CCDC93: variants seen among roughly 807,000 people sequenced by gnomAD.
CCDC93 encodes the protein coiled-coil domain-containing protein 93.
CCDC93 carries 61 observed loss-of-function variants against 108.2 expected under a neutral mutation model. The ratio of observed to expected loss-of-function variants is 0.56; its 90% CI spans 0.46 to 0.70. The LOEUF is 0.70. Ranked by LOEUF, CCDC93 falls within the 30% of genes least tolerant of loss-of-function variation. The pLI, the probability that CCDC93 is intolerant of heterozygous loss-of-function variation, is 0.00. For synonymous variants in CCDC93, 276 were observed against 260.4 expected, an observed-to-expected ratio of 1.06 and a Z score of -0.58; for missense variants, 685 against 764.2, an observed-to-expected ratio of 0.90 and a Z score of 1.22.
chr2:117,995,517 A>T lies in CCDC93; in HGVS notation c.463-15T>A, dbSNP rs1212983512. On this transcript the variant is annotated splice_polypyrimidine_tract_variant and intron_variant, in intron 5 of 23. Transcript: ENST00000376300. ...AAGTCATCATCCTACAAGACAAAAC[A>T]GAGCGATTAAACAAATCCCAAGGGA... The T allele has an allele frequency of 6.2e-7, 1 of 1,607,350 alleles. No homozygotes were observed.
At chr2:117,941,625 C>T (rs909457725) in intron 18 of CCDC93, among the ~76,000 whole-genome samples, 1 of 152,154 alleles carries the variant, frequency 6.6e-6, no homozygotes, top group Non-Finnish European at 1.5e-5. Context: ...CTAGAATAGC[C>T]AGCTCCACCC....
intron 18 of CCDC93, among the ~76,000 whole-genome samples, chr2:117,942,357 CTCTT>C (rs1372570346): frequency 2.6e-5 from 4 of 152,216 alleles, no homozygotes; most frequent in African/African-American, 9.6e-5. Context: ...ACCAGCCTCT[CTCTT>C]CCCTTTTACA....
chr2:118,000,966 CA>C, intron 3 of CCDC93, 34 bp from the exon 4 acceptor site: 2 of 1,298,986 alleles, frequency 1.5e-6, no homozygotes, highest in Non-Finnish European at 2.2e-6. Context: ...AAGAGTGAGG[CA>C]TACTAAGTAG....
chr2:117,917,551 C>CT lies in CCDC93; in HGVS notation c.*2791dup, dbSNP rs879165444. ...CCATTAAAACCATGAACTTCGGACT[C>CT]TAACAGAGATATGCTTGACAAACTG... On this transcript the variant is annotated 3_prime_UTR_variant, in exon 24 of 24. Coordinates refer to ENST00000376300, the MANE Select transcript of CCDC93 (RefSeq NM_019044.5). The CT allele has an allele frequency of 1.3e-5, 2 of 152,422 alleles. No homozygotes were observed. Among genetic ancestry groups the CT allele is most frequent in the African/African-American group, 4.8e-5 (2 of 41,430 alleles). The allele number at this position is 152,422 out of a possible 1,614,324, so 9.4% of individuals were successfully genotyped here. A position where few individuals can be genotyped will look rare whatever the true frequency, so the allele number is the denominator to read the frequency against.
intron 23 of CCDC93, among the ~76,000 whole-genome samples, chr2:117,923,999 G>A (rs1345663860): frequency 6.6e-6 from 1 of 152,208 alleles, no homozygotes; most frequent in African/African-American, 2.4e-5. Context: ...AGCCTCTGCT[G>A]CTGATACCAA....
rs1015954470 is a variant in CCDC93, at chr2:117,985,047, T to C, written c.620+922A>G. Among the ~76,000 whole-genome samples, 10 of 152,070 alleles carry C rather than the reference T, an allele frequency of 6.6e-5. No individual in the cohort carries two copies. The South Asian group carries it at 2.1e-3, about 32-fold the overall frequency. On this transcript the variant is annotated intron_variant, in intron 7 of 23. Coordinates refer to ENST00000376300, the MANE Select transcript of CCDC93 (RefSeq NM_019044.5). ...CAATTCACAGCAGCAACTAGTGAAC[T>C]GTGGGGGCAGCCATCACACGCAGCC...
At position 117,923,148 on chromosome 2, in the gene CCDC93, G is replaced by T. The variant is rs1677938390; in HGVS notation, c.1843-2752C>A. On this transcript the variant is annotated intron_variant, in intron 23 of 23. Transcript: ENST00000376300. Reference sequence around the variant, plus strand: ...ATTTTCAGGGGGTGGAACCAAGATGGCCGAATAGGAACAGCTCCAGTCTAC... The same window carrying T: ...ATTTTCAGGGGGTGGAACCAAGATGTCCGAATAGGAACAGCTCCAGTCTAC... 2.6e-5 allele frequency among the ~76,000 whole-genome samples: 4 copies of T among 152,172 alleles called. No homozygotes were observed. In the South Asian group the frequency reaches 8.3e-4, roughly 32 times the overall value.
At position 117,973,897 on chromosome 2, in the gene CCDC93, C is replaced by A. The variant is rs1342901253; in HGVS notation, c.888+11G>T. 17 of 1,599,712 alleles carry A rather than the reference C, an allele frequency of 1.1e-5. No individual in the cohort carries two copies. The highest frequency in any genetic ancestry group is 1.3e-5 in the Non-Finnish European group (15 of 1,170,674). On this transcript the variant is annotated intron_variant, in intron 11 of 23. Coordinates refer to ENST00000376300, the MANE Select transcript of CCDC93 (RefSeq NM_019044.5). ...ATCTGGGGCACAGACTCCAGCTGGG[C>A]CCCCACCTACCTTCTCTGCATACTC...
Position 117,950,092 on chromosome 2 carries a change from A to G in CCDC93, c.1069-697T>C, listed in dbSNP as rs975927122. On this transcript the variant is annotated intron_variant, in intron 13 of 23. Transcript: ENST00000376300. ...AGTTCCCCGACCCAGAACATCAGTT[A>G]CTACCGGCTGATCTCAGCAAACAGT... The G allele has an allele frequency of 7.1e-6, 7 of 985,364 alleles. No homozygotes were observed. In the African/African-American group the frequency reaches 1.2e-4, roughly 17 times the overall value. The allele number at this position is 985,364 out of a possible 1,614,324, so 61.0% of individuals were successfully genotyped here.
chr2:117,975,280 C>T lies in CCDC93; in HGVS notation c.658G>A (p.Ala220Thr). ...GGAAGTGCCGTTTTCTTGTCCTCAG[C>T]CTGCAAGGGAAGATGTGAAAACAGC... is the stretch of plus-strand genomic sequence containing the variant. ...GFSRQSKMEK[A>T]EDKKTALPAG... The change falls in exon 9 of 24, where the codon GCT becomes ACT. Residue 220 changes from alanine to threonine, a missense_variant and splice_region_variant. Physicochemically the swap from Ala to Thr is moderately conservative, Grantham distance 58. Coordinates refer to ENST00000376300, the MANE Select transcript of CCDC93 (RefSeq NM_019044.5). 5.0e-6 allele frequency: 8 copies of T among 1,611,042 alleles called. No homozygotes were observed. The highest frequency in any genetic ancestry group is 6.8e-6 in the Non-Finnish European group (8 of 1,178,688).
chr2:117,955,205 A>G (rs1350951634), intron 12 of CCDC93, among the ~76,000 whole-genome samples: 1 of 152,208 alleles, frequency 6.6e-6, no homozygotes, highest in African/African-American at 2.4e-5. Context: ...AGCCATTACT[A>G]TTACTGACAG....
chr2:117,951,922 C>T (rs1284308071), intron 13 of CCDC93, among the ~76,000 whole-genome samples: 2 of 152,094 alleles, frequency 1.3e-5, no homozygotes, highest in South Asian at 2.1e-4. Flanking sequence ...TAGGAGATAA[C>T]TGGAAATTCT....
intron 23 of CCDC93, among the ~76,000 whole-genome samples, chr2:117,928,838 T>C (rs935405559): frequency 2.6e-5 from 4 of 152,148 alleles, no homozygotes; most frequent in Non-Finnish European, 4.4e-5. Context: ...CTATTCCCAA[T>C]AGCAAATACT....
In CCDC93 at chr2:117,916,410, T is replaced by A. The variant is rs902409185; in HGVS notation, c.*3933A>T. The A allele has an allele frequency of 2.0e-5, 3 of 152,222 alleles. No individual in the cohort carries two copies. Among genetic ancestry groups the A allele is most frequent in the Admixed American group, 2.0e-4 (3 of 15,276 alleles). 9.4% of individuals were successfully genotyped at this position (152,222 alleles called of 1,614,324 possible). ...CTGACACCTTGTTTCATCTCAAACT[T>A]CAAGGTTACAGTATAACATACTCTG... On this transcript the variant is annotated 3_prime_UTR_variant, in exon 24 of 24. Coordinates refer to ENST00000376300, the MANE Select transcript of CCDC93 (RefSeq NM_019044.5).
chr2:117,941,109 C>A, intron 19 of CCDC93, 80 bp downstream of exon 19: 1 of 975,396 alleles, frequency 1.0e-6, no homozygotes, highest in Non-Finnish European at 1.6e-6. Flanking sequence ...CTGGTGCATG[C>A]TCCCCCATGC....
intron 2 of CCDC93, among the ~76,000 whole-genome samples, chr2:118,007,156 C>A (rs544174717): frequency 1.3e-5 from 2 of 152,318 alleles, no homozygotes; most frequent in Admixed American, 6.5e-5. Context: ...TACATAGATC[C>A]TCTTTATAGT....
intron 9 of CCDC93, 47 bp from the exon 10 acceptor site, chr2:117,974,947 T>G: frequency 1.3e-6 from 2 of 1,488,140 alleles, no homozygotes; most frequent in Non-Finnish European, 1.8e-6. Context: ...TCTGAACATG[T>G]AAGACAGAAG....
chr2:117,987,034 T>TAAA (rs34625797), intron 6 of CCDC93, among the ~76,000 whole-genome samples: 3 of 127,740 alleles, frequency 2.3e-5, no homozygotes, highest in Non-Finnish European at 4.9e-5. Flanking sequence ...ATTCTTCTAT[T>TAAA]AAAAAAAAAA....
chr2:117,936,656 G>T (rs763034359), intron 21 of CCDC93, 46 bp downstream of exon 21: 21 of 1,509,140 alleles, frequency 1.4e-5, no homozygotes, highest in Non-Finnish European at 1.9e-5. Flanking sequence ...AATTCAAAGC[G>T]CAGGCCGGCA....
Sources: allele counts gnomAD v4.1 joint callset (sites outside exome capture counted in the v4.1 genomes callset), GRCh38; gene constraint gnomAD v4.1.1; transcripts MANE v1.5; gene names NCBI Gene and HGNC (gene_info 2026-07-23, HGNC 2026-07-21).